Variants in SIGLECL1 observed in about 807,000 individuals in gnomAD.
SIGLECL1 encodes the protein SIGLEC family like 1, also known as SIGLEC family-like protein 1.
Under a neutral mutation model 19.1 loss-of-function variants are expected in SIGLECL1, and 16 were observed. The ratio of observed to expected loss-of-function variants is 0.84; its 90% CI spans 0.57 to 1.27. SIGLECL1 has a LOEUF of 1.27. Among genes scored for constraint, SIGLECL1 ranks in the 50% most tolerant of loss-of-function variants. The pLI, the probability that SIGLECL1 is intolerant of heterozygous loss-of-function variation, is 0.00. For synonymous variants in SIGLECL1, 89 were observed against 90.4 expected (o/e 0.98, Z 0.09); for missense variants, 210 against 239.4 (o/e 0.88, Z 0.81).
At position 51,265,572 on chromosome 19, in the gene SIGLECL1, C is replaced by T. The variant is rs1461912628; in HGVS notation, c.227C>T (p.Pro76Leu). The change falls in exon 3 of 6, where the codon CCA becomes CTA. Residue 76 changes from proline to leucine, a missense_variant. Pro to Leu is a moderately conservative substitution (Grantham distance 98). Coordinates refer to ENST00000601727, the MANE Select transcript of SIGLECL1 (RefSeq NM_001385465.1). ...AGCACCATCAGCCTAACTGAAGAGCCAGAAATGGGCATGAGACTTCTCTGT... is the reference window on the plus strand; with the variant it reads ...AGCACCATCAGCCTAACTGAAGAGCTAGAAATGGGCATGAGACTTCTCTGT... ...ANSTISLTEEPEMGMRLLCEG... is the reference protein window; with the variant it reads ...ANSTISLTEELEMGMRLLCEG... 1.2e-6 allele frequency: 2 copies of T among 1,614,146 alleles called. No homozygotes were observed. Among genetic ancestry groups the T allele is most frequent in the Non-Finnish European group, 1.7e-6 (2 of 1,180,016 alleles).
At chr19:51,255,860 A>G (rs891327821) in intron 1 of SIGLECL1, 2 of 152,194 alleles carry the variant, frequency 1.3e-5, no homozygotes, top group African/African-American at 4.8e-5. Flanking sequence ...TATAACCACT[A>G]TGGAAAATAG....
intron 1 of SIGLECL1, among the ~76,000 whole-genome samples, chr19:51,257,231 A>T (rs1469651418): frequency 6.6e-6 from 1 of 151,924 alleles, no homozygotes; most frequent in Non-Finnish European, 1.5e-5. Flanking sequence ...ACATAACAAG[A>T]TCCCATCTCT....
intron 1 of SIGLECL1, among the ~76,000 whole-genome samples, chr19:51,257,171 C>T (rs1053809368): frequency 1.3e-5 from 2 of 152,094 alleles, no homozygotes; most frequent in African/African-American, 2.4e-5. Flanking sequence ...CTTTAGGAAG[C>T]CCAGGTGGGA....
chr19:51,260,135 CTA>C (rs1377856368), intron 1 of SIGLECL1, among the ~76,000 whole-genome samples: 3 of 152,304 alleles, frequency 2.0e-5, no homozygotes, highest in Admixed American at 6.5e-5. Flanking sequence ...ATGGAATTCA[CTA>C]TAGCCAGTAT....
upstream of SIGLECL1, among the ~76,000 whole-genome samples, chr19:51,249,153 T>A (rs1007216019): frequency 2.0e-5 from 3 of 152,014 alleles, no homozygotes; most frequent in African/African-American, 7.2e-5. Flanking sequence ...CTTTCAGGGA[T>A]GGGAAAGAAG....
chr19:51,264,942 G>A (rs1056289735), intron 2 of SIGLECL1, among the ~76,000 whole-genome samples: 2 of 152,152 alleles, frequency 1.3e-5, no homozygotes, highest in South Asian at 2.1e-4. Context: ...CAAATATCCC[G>A]ATTTTCCAGG....
chr19:51,263,595 T>C lies in SIGLECL1; in HGVS notation c.-190-288T>C, dbSNP rs183185223. Among the ~76,000 whole-genome samples, 570 of 152,220 alleles carry C rather than the reference T, an allele frequency of 3.7e-3. 3 individuals carry two copies. Among genetic ancestry groups the C allele is most frequent in the Non-Finnish European group, 6.4e-3 (434 of 68,010 alleles). ...CAACATGGTGAAACCTCATCTCTAC[T>C]AAAACTACAAAAATTATTTGGCCAT... On this transcript the variant is annotated intron_variant, in intron 1 of 5. Coordinates refer to ENST00000601727, the MANE Select transcript of SIGLECL1 (RefSeq NM_001385465.1).
chr19:51,260,989 C>T (rs1161350021), intron 1 of SIGLECL1, among the ~76,000 whole-genome samples: 1 of 152,150 alleles, frequency 6.6e-6, no homozygotes, highest in Non-Finnish European at 1.5e-5. Flanking sequence ...TTTGTTCTGT[C>T]AGTTTCTGAG....
chr19:51,265,999 A>G (rs1983643068), intron 4 of SIGLECL1, 117 bp downstream of exon 4: 1 of 963,432 alleles, frequency 1.0e-6, no homozygotes, highest in Non-Finnish European at 1.6e-6. Flanking sequence ...TAGGGTCTAA[A>G]GAGGGAAAGA....
At chr19:51,260,520 A>G (rs954703931) in intron 1 of SIGLECL1, among the ~76,000 whole-genome samples, 3 of 152,142 alleles carry the variant, frequency 2.0e-5, no homozygotes, top group African/African-American at 7.2e-5. Context: ...AGCTATTTTT[A>G]AATAATACCA....
intron 1 of SIGLECL1, among the ~76,000 whole-genome samples, chr19:51,254,400 A>G (rs910489830): frequency 6.6e-6 from 1 of 152,138 alleles, no homozygotes; most frequent in Admixed American, 6.5e-5. Flanking sequence ...CCATCAACTG[A>G]TGAATGGATA....
chr19:51,263,034 G>T (rs2455072), intron 1 of SIGLECL1, among the ~76,000 whole-genome samples: 53,961 of 151,956 alleles, frequency 0.36, 11,183 homozygotes, highest in Non-Finnish European at 0.46. Context: ...AAGTAGCTGG[G>T]ACTACAGGTG....
Position 51,267,498 on chromosome 19 carries a change from T to C in SIGLECL1, c.536T>C (p.Val179Ala), listed in dbSNP as rs755510291. Reference sequence around the variant, plus strand: ...AAGCCTGAGGAACCAGGAAAACCCGTAGTCGCCACATTTTCTGAGAGCCGG... The same window carrying C: ...AAGCCTGAGGAACCAGGAAAACCCGCAGTCGCCACATTTTCTGAGAGCCGG... Reference protein sequence around the residue: ...SLKPEEPGKPVVATFSESRIL... With the variant: ...SLKPEEPGKPAVATFSESRIL... The change falls in exon 5 of 6, where the codon GTA (valine) becomes GCA (alanine). Residue 179 changes from valine (V) to alanine (A), a missense_variant. Val to Ala is a moderately conservative substitution (Grantham distance 64). Coordinates refer to ENST00000601727, the MANE Select transcript of SIGLECL1 (RefSeq NM_001385465.1). 5.0e-6 allele frequency: 8 copies of C among 1,614,218 alleles called. No homozygotes were observed. Among genetic ancestry groups the C allele is most frequent in the Non-Finnish European group, 6.8e-6 (8 of 1,180,030 alleles).
At chr19:51,260,434 A>G (rs903173515) in intron 1 of SIGLECL1, among the ~76,000 whole-genome samples, 1 of 152,150 alleles carries the variant, frequency 6.6e-6, no homozygotes, top group African/African-American at 2.4e-5. Flanking sequence ...GCATTAGCTC[A>G]TAGGTTTTTG....
chr19:51,257,302 A>G (rs1053696415), intron 1 of SIGLECL1, among the ~76,000 whole-genome samples: 2 of 151,774 alleles, frequency 1.3e-5, no homozygotes, highest in Non-Finnish European at 1.5e-5. Flanking sequence ...GCTACTTGGG[A>G]GGCTGAGGTG....
Position 51,265,366 on chromosome 19 carries a change from A to G in SIGLECL1, c.23-2A>G, listed in dbSNP as rs140988748. Reference sequence around the variant, plus strand: ...CTGACTCCTGACCCTTCCTCCCCACAGTACCTGCTAAGCTGCTCAACTCCT... The same window carrying G: ...CTGACTCCTGACCCTTCCTCCCCACGGTACCTGCTAAGCTGCTCAACTCCT... On this transcript the variant is annotated splice_acceptor_variant, in intron 2 of 5. Coordinates refer to ENST00000601727, the MANE Select transcript of SIGLECL1 (RefSeq NM_001385465.1). LOFTEE classifies it high-confidence loss of function. 1,732 of 1,600,508 alleles carry G rather than the reference A, an allele frequency of 1.1e-3. 8 individuals are homozygous for G. The highest frequency in any genetic ancestry group is 1.4e-3 in the South Asian group (127 of 90,574).
chr19:51,265,827 G>T lies in SIGLECL1; in HGVS notation c.355G>T (p.Ala119Ser). Reference sequence around the variant, plus strand: ...CTTCGTGAAAGGGCTGATCCAGGGTGCTATCTATGCGGGAATTGTAATTGC... The same window carrying T: ...CTTCGTGAAAGGGCTGATCCAGGGTTCTATCTATGCGGGAATTGTAATTGC... ...QAFVKGLIQG[A>S]IYAGIVIALL... Residue 119 changes from alanine to serine, a missense_variant, in exon 4 of 6, where the codon GCT becomes TCT. Ala to Ser is a moderately conservative substitution (Grantham distance 99, BLOSUM62 1). Coordinates refer to ENST00000601727, the MANE Select transcript of SIGLECL1 (RefSeq NM_001385465.1). 1 of 1,614,182 alleles carries T rather than the reference G, an allele frequency of 6.2e-7. No homozygotes were observed. The highest frequency in any genetic ancestry group is 8.5e-7 in the Non-Finnish European group (1 of 1,180,030).
At chr19:51,260,612 G>A (rs1341344526) in intron 1 of SIGLECL1, among the ~76,000 whole-genome samples, 1 of 152,072 alleles carries the variant, frequency 6.6e-6, no homozygotes, top group South Asian at 2.1e-4. Context: ...TGGAATTGAG[G>A]GTCATAGAGT....
At chr19:51,260,608 TGA>T (rs1490516005) in intron 1 of SIGLECL1, among the ~76,000 whole-genome samples, 2 of 152,222 alleles carry the variant, frequency 1.3e-5, no homozygotes, top group Non-Finnish European at 2.9e-5. Flanking sequence ...GGAGTGGAAT[TGA>T]GGGTCATAGA....
Sources: allele counts gnomAD v4.1 joint callset (sites outside exome capture counted in the v4.1 genomes callset), GRCh38; gene constraint gnomAD v4.1.1; transcripts MANE v1.5; gene names NCBI Gene and HGNC (gene_info 2026-07-23, HGNC 2026-07-21).